Variants in RELN observed in about 807,000 individuals in gnomAD.
RELN encodes the protein reelin.
In RELN, 108 loss-of-function variants were observed where a neutral mutation model predicts 427.6. The observed-to-expected ratio is 0.25, with a 90% confidence interval of 0.22 to 0.30. The LOEUF is 0.30. Among genes scored for constraint, RELN ranks in the 10% least tolerant of loss-of-function variants. The probability of loss-of-function intolerance (pLI) is 1.00; values close to 1 mark genes in which losing one functional copy is unlikely to be tolerated. For missense variants in RELN, 3,715 were observed against 4,302.8 expected (o/e 0.86, Z 3.82); for synonymous variants, 1,524 against 1,513.4 (o/e 1.01, Z -0.16).
At chr7:103,555,225 A>G (rs879943054) in intron 38 of RELN, among the ~76,000 whole-genome samples, 2 of 152,154 alleles carry the variant, frequency 1.3e-5, no homozygotes, top group Non-Finnish European at 2.9e-5. Flanking sequence ...AAAAAAGGTG[A>G]TAAGTCCATG....
At chr7:103,984,366 A>G (rs12667675) in intron 1 of RELN, among the ~76,000 whole-genome samples, 32,502 of 152,006 alleles carry the variant, frequency 0.21, 4,353 homozygotes, top group East Asian at 0.71. Flanking sequence ...TTTTATTAAC[A>G]TTTTCAATGC....
intron 4 of RELN, among the ~76,000 whole-genome samples, chr7:103,760,728 A>G (rs1467852379): frequency 1.3e-5 from 2 of 152,162 alleles, no homozygotes; most frequent in African/African-American, 2.4e-5. Flanking sequence ...TATCTCCTGA[A>G]TCATTTTGGA....
intron 2 of RELN, among the ~76,000 whole-genome samples, chr7:103,897,781 G>A (rs17157125): frequency 0.16 from 24,011 of 151,812 alleles, 2,544 homozygotes; most frequent in East Asian, 0.32. Flanking sequence ...TGTGGCTTAC[G>A]TAACAAAATC....
intron 52 of RELN, among the ~76,000 whole-genome samples, chr7:103,502,473 T>G (rs1829065288): frequency 6.6e-6 from 1 of 152,212 alleles, no homozygotes; most frequent in African/African-American, 2.4e-5. Flanking sequence ...CCACAGACTT[T>G]GCAGAGCAAG....
intron 2 of RELN, among the ~76,000 whole-genome samples, chr7:103,875,111 G>A (rs1247802854): frequency 2.1e-5 from 3 of 145,920 alleles, no homozygotes; most frequent in Admixed American, 6.8e-5. Context: ...ATGGGGAAAG[G>A]ATTCCCTATT....
chr7:103,581,192 GT>G (rs1302751206), intron 28 of RELN, among the ~76,000 whole-genome samples: 1 of 152,144 alleles, frequency 6.6e-6, no homozygotes, highest in East Asian at 1.9e-4. Context: ...TCATTGGAAT[GT>G]TCTTGTCCTG....
At chr7:103,943,390 G>A (rs1201773693) in intron 1 of RELN, among the ~76,000 whole-genome samples, 1 of 152,178 alleles carries the variant, frequency 6.6e-6, no homozygotes, top group Non-Finnish European at 1.5e-5. Context: ...TAATGAAGGG[G>A]AAGCCATGAT....
chr7:103,496,568 C>T lies in RELN; in HGVS notation c.9151G>A (p.Ala3051Thr). The part of the protein sequence containing the change: ...WALDNILIGG[A>T]EINPSQLVDT... Reference sequence around the variant, plus strand: ...ACCAATTGGCTGGGATTGATTTCTGCTCCACCAATCAAAATGTTGTCCAGT... The same window carrying T: ...ACCAATTGGCTGGGATTGATTTCTGTTCCACCAATCAAAATGTTGTCCAGT... The change falls in exon 56 of 65, where the codon GCA (alanine) becomes ACA (threonine). Residue 3051 changes from alanine (A) to threonine (T), a missense_variant. Coordinates refer to ENST00000428762, the MANE Select transcript of RELN (RefSeq NM_005045.4). 2 of 1,614,178 alleles carry T rather than the reference C, an allele frequency of 1.2e-6. No individual in the cohort carries two copies. The highest frequency in any genetic ancestry group is 1.7e-6 in the Non-Finnish European group (2 of 1,180,024).
intron 11 of RELN, among the ~76,000 whole-genome samples, chr7:103,667,536 A>T (rs966214009): frequency 6.6e-6 from 1 of 152,206 alleles, no homozygotes; most frequent in Non-Finnish European, 1.5e-5. Context: ...TTTTCAGGAA[A>T]ATAAATATAA....
chr7:103,858,883 GAAC>G (rs911899286), intron 2 of RELN, among the ~76,000 whole-genome samples: 3 of 152,058 alleles, frequency 2.0e-5, no homozygotes, highest in Non-Finnish European at 2.9e-5. Flanking sequence ...AGCCCTACAG[GAAC>G]AACAACAACA....
intron 2 of RELN, among the ~76,000 whole-genome samples, chr7:103,888,236 G>GAAA (rs569985640): frequency 1.9e-5 from 2 of 103,516 alleles, no homozygotes; most frequent in African/African-American, 8.1e-5. Flanking sequence ...GCTCTTTTAA[G>GAAA]AAAAAAAAAT....
intron 16 of RELN, among the ~76,000 whole-genome samples, chr7:103,648,356 T>C (rs145767934): frequency 1.3e-3 from 191 of 152,234 alleles, no homozygotes; most frequent in African/African-American, 4.2e-3. Context: ...TCTGCCATGA[T>C]TGTAAGTTTC....
chr7:103,963,168 TCTC>T, intron 1 of RELN, among the ~76,000 whole-genome samples: 1 of 150,006 alleles, frequency 6.7e-6, no homozygotes, highest in African/African-American at 2.5e-5. Flanking sequence ...TCTACTCATT[TCTC>T]TTCCTCCTCA....
Position 103,583,283 on chromosome 7 carries a change from C to T in RELN, c.4145+6313G>A, listed in dbSNP as rs912156264. Among the ~76,000 whole-genome samples, 11 of 152,266 alleles carry T rather than the reference C, an allele frequency of 7.2e-5. 1 individual carries two copies. Among genetic ancestry groups the T allele is most frequent in the East Asian group, 3.9e-4 (2 of 5,186 alleles). ...TCTCCAACTTGCAGATGGTCTATCA[C>T]GGAACTAGTTAGCCACCATAATCGT... On this transcript the variant is annotated intron_variant, in intron 28 of 64. Coordinates refer to ENST00000428762, the MANE Select transcript of RELN (RefSeq NM_005045.4).
At chr7:103,805,723 C>A (rs1396602691) in intron 3 of RELN, among the ~76,000 whole-genome samples, 1 of 152,138 alleles carries the variant, frequency 6.6e-6, no homozygotes, top group Non-Finnish European at 1.5e-5. Flanking sequence ...TCAAAATGTG[C>A]TACAATTGGT....
At chr7:103,660,293 T>C (rs965236954) in intron 12 of RELN, among the ~76,000 whole-genome samples, 6 of 152,172 alleles carry the variant, frequency 3.9e-5, no homozygotes, top group African/African-American at 9.6e-5. Context: ...GAGAGCCAGT[T>C]TGAATTCTAA....
At chr7:103,929,118 A>C (rs574404505) in intron 1 of RELN, among the ~76,000 whole-genome samples, 1 of 152,268 alleles carries the variant, frequency 6.6e-6, no homozygotes, top group African/African-American at 2.4e-5. Flanking sequence ...GAATTTCTTG[A>C]ATTTACCAAT....
chr7:103,547,102 C>T (rs1438344720), intron 41 of RELN, among the ~76,000 whole-genome samples: 1 of 152,106 alleles, frequency 6.6e-6, no homozygotes, highest in African/African-American at 2.4e-5. Flanking sequence ...ATGACATGTG[C>T]ACTTATTTTT....
chr7:103,539,374 G>C, intron 44 of RELN, 47 bp from the exon 45 acceptor site: 1 of 1,582,860 alleles, frequency 6.3e-7, no homozygotes, highest in African/African-American at 1.3e-5. Flanking sequence ...TTAGTTTTAA[G>C]AAATGGAAAG....
Sources: gnomAD v4.1 joint callset for allele counts (sites outside exome capture counted in the v4.1 genomes callset) on GRCh38, gnomAD v4.1.1 for gene constraint, MANE v1.5 for transcripts, NCBI Gene and HGNC (gene_info 2026-07-23, HGNC 2026-07-21) for gene names.